RBFOX1: variants seen among roughly 807,000 people sequenced by gnomAD.
RBFOX1 encodes the protein RNA binding protein fox-1 homolog 1.
Under a neutral mutation model 57.7 loss-of-function variants are expected in RBFOX1, and 8 were observed. The observed-to-expected ratio is 0.14, with a 90% CI of 0.08 to 0.25. The LOEUF (loss-of-function observed/expected upper bound fraction) is 0.25, where lower values mean the gene tolerates loss of function less well. Ranked by LOEUF, RBFOX1 falls within the 10% of genes least tolerant of loss-of-function variation. The probability of loss-of-function intolerance (pLI) is 1.00; values close to 1 mark genes in which losing one functional copy is unlikely to be tolerated. For synonymous variants in RBFOX1, 326 were observed against 222.4 expected (o/e 1.47, Z -4.15); for missense variants, 611 against 548.5 (o/e 1.11, Z -1.14).
At chr16:6,405,729 C>G (rs189552158) in intron 2 of RBFOX1, among the ~76,000 whole-genome samples, 8 of 152,290 alleles carry the variant, frequency 5.3e-5, no homozygotes, top group African/African-American at 1.9e-4. Flanking sequence ...TTCCACAGAA[C>G]AGCTGGAGTC....
chr16:7,577,581 C>T (rs2093435095), intron 5 of RBFOX1, among the ~76,000 whole-genome samples: 2 of 152,224 alleles, frequency 1.3e-5, no homozygotes, highest in Non-Finnish European at 2.9e-5. Context: ...TTACTCAGCC[C>T]TTTGTGATTG....
chr16:6,925,618 G>C (rs766271904), intron 3 of RBFOX1, among the ~76,000 whole-genome samples: 3 of 152,022 alleles, frequency 2.0e-5, no homozygotes, highest in East Asian at 3.9e-4. Flanking sequence ...ATATTTGGGG[G>C]CATCAGTAAA....
At position 5,992,025 on chromosome 16, in the gene RBFOX1, A is replaced by G. The variant is rs560300923; in HGVS notation, c.351+124690A>G. Among the ~76,000 whole-genome samples, 383 of 152,352 alleles carry G rather than the reference A, an allele frequency of 2.5e-3. 2 individuals carry two copies. The highest frequency in any genetic ancestry group is 8.6e-3 in the African/African-American group (356 of 41,580). ...AAAATACAGAGATTTGTAAAAATGC[A>G]TATACATTTTACACAAAGTTATGGG... On this transcript the variant is annotated intron_variant, in intron 4 of 19. Coordinates refer to the RBFOX1 transcript ENST00000641259.
intron 4 of RBFOX1, among the ~76,000 whole-genome samples, chr16:7,445,171 G>A (rs2098798780): frequency 6.6e-6 from 1 of 152,116 alleles, no homozygotes; most frequent in Non-Finnish European, 1.5e-5. Flanking sequence ...ATGTGCCTGG[G>A]CAGTTAGCAA....
chr16:6,633,772 G>C (rs1232179168), intron 2 of RBFOX1, among the ~76,000 whole-genome samples: 1 of 152,160 alleles, frequency 6.6e-6, no homozygotes. Context: ...GCTTTGGGAG[G>C]CTGAGGCAGG....
intron 1 of RBFOX1, among the ~76,000 whole-genome samples, chr16:6,203,925 G>C (rs2097234792): frequency 6.6e-6 from 1 of 151,478 alleles, no homozygotes; most frequent in African/African-American, 2.4e-5. Context: ...CACAAACACA[G>C]AGAAATCATA....
chr16:7,280,089 AAG>A (rs1311640109), intron 4 of RBFOX1, among the ~76,000 whole-genome samples: 19 of 152,346 alleles, frequency 1.2e-4, no homozygotes, highest in African/African-American at 4.1e-4. Context: ...CTGCTATGGA[AAG>A]AGAGCCAGCT....
chr16:7,382,438 C>G (rs1568530574), intron 4 of RBFOX1, among the ~76,000 whole-genome samples: 1 of 152,136 alleles, frequency 6.6e-6, no homozygotes, highest in Non-Finnish European at 1.5e-5. Context: ...AATTATTAAA[C>G]ATGATATATG....
intron 3 of RBFOX1, among the ~76,000 whole-genome samples, chr16:6,845,713 G>A (rs1211214837): frequency 6.6e-6 from 1 of 152,106 alleles, no homozygotes; most frequent in Non-Finnish European, 1.5e-5. Context: ...TTGCTTCTCT[G>A]ACACAGACCC....
intron 1 of RBFOX1, among the ~76,000 whole-genome samples, chr16:6,273,433 C>G (rs1005902975): frequency 1.4e-5 from 2 of 147,684 alleles, no homozygotes; most frequent in African/African-American, 5.1e-5. Flanking sequence ...CAACCTCTGC[C>G]TCCTAGCTTC....
intron 1 of RBFOX1, among the ~76,000 whole-genome samples, chr16:6,205,572 T>G (rs17139545): frequency 0.28 from 43,182 of 152,002 alleles, 6,575 homozygotes; most frequent in East Asian, 0.47. Context: ...TCCCCTGAAT[T>G]AAATAGCACC....
intron 4 of RBFOX1, among the ~76,000 whole-genome samples, chr16:7,472,114 G>A (rs576410023): frequency 8.5e-5 from 13 of 152,230 alleles, no homozygotes; most frequent in African/African-American, 2.2e-4. Context: ...TTAAAAAATC[G>A]AAGAATATAT....
chr16:5,390,594 T>A (rs778248625), intron 1 of RBFOX1, among the ~76,000 whole-genome samples: 2 of 152,158 alleles, frequency 1.3e-5, no homozygotes, highest in Non-Finnish European at 2.9e-5. Context: ...TGGCCTCATA[T>A]ATTATTTTTA....
At chr16:6,058,692 C>T (rs185541009) in intron 1 of RBFOX1, among the ~76,000 whole-genome samples, 26 of 146,386 alleles carry the variant, frequency 1.8e-4, no homozygotes, top group African/African-American at 5.7e-4. Context: ...AATCCATTCA[C>T]TCATCCATAC....
chr16:5,501,109 A>G (rs567056502), intron 2 of RBFOX1, among the ~76,000 whole-genome samples: 1 of 152,238 alleles, frequency 6.6e-6, no homozygotes, highest in African/African-American at 2.4e-5. Flanking sequence ...TGAGGTCAGG[A>G]GTTTGAGACC....
chr16:6,503,157 T>G (rs752790696), intron 2 of RBFOX1, among the ~76,000 whole-genome samples: 12 of 152,216 alleles, frequency 7.9e-5, no homozygotes, highest in Non-Finnish European at 1.5e-4. Flanking sequence ...GGTAGGAGCA[T>G]ACTACCAATT....
intron 3 of RBFOX1, among the ~76,000 whole-genome samples, chr16:5,826,428 A>C (rs1248795545): frequency 2.0e-5 from 3 of 152,146 alleles, no homozygotes; most frequent in Non-Finnish European, 4.4e-5. Flanking sequence ...GGAGGTGGCA[A>C]ACTATTTCTG....
At chr16:5,824,733 C>T (rs1286462051) in intron 3 of RBFOX1, among the ~76,000 whole-genome samples, 1 of 152,226 alleles carries the variant, frequency 6.6e-6, no homozygotes, top group African/African-American at 2.4e-5. Flanking sequence ...CAGGCTCAGA[C>T]GTTGCTTTCT....
intron 4 of RBFOX1, among the ~76,000 whole-genome samples, chr16:7,407,725 C>G (rs2098370304): frequency 6.6e-6 from 1 of 152,166 alleles, no homozygotes; most frequent in South Asian, 2.1e-4. Flanking sequence ...GAATAATAAC[C>G]TAGAGACTGT....
Sources: gnomAD v4.1 joint callset for allele counts (sites outside exome capture counted in the v4.1 genomes callset) on GRCh38, gnomAD v4.1.1 for gene constraint, MANE v1.5 for transcripts, NCBI Gene and HGNC (gene_info 2026-07-23, HGNC 2026-07-21) for gene names.